The following ZNF804B variants were observed in gnomAD, a reference collection of about 807,000 sequenced individuals.
ZNF804B encodes the protein zinc finger protein 804B.
Under a neutral mutation model 101.4 loss-of-function variants are expected in ZNF804B, and 80 were observed. The observed-to-expected ratio is 0.79, with a 90% confidence interval of 0.66 to 0.95. ZNF804B has a LOEUF of 0.95. ZNF804B is among the 40% of genes least tolerant of loss of function. The pLI is 0.00. For missense variants in ZNF804B, 1,673 were observed against 1,561.9 expected (o/e 1.07, Z -1.20); for synonymous variants, 622 against 558.8 (o/e 1.11, Z -1.59).
At chr7:88,942,756 T>C (rs1793074547) in intron 1 of ZNF804B, among the ~76,000 whole-genome samples, 1 of 151,840 alleles carries the variant, frequency 6.6e-6, no homozygotes, top group Non-Finnish European at 1.5e-5. Context: ...GGACCTTATA[T>C]ATTATGTGTG....
chr7:89,047,253 G>C (rs1789124250), intron 1 of ZNF804B, among the ~76,000 whole-genome samples: 1 of 152,124 alleles, frequency 6.6e-6, no homozygotes, highest in Admixed American at 6.6e-5. Context: ...ATATTTACTA[G>C]TTGTGTGATT....
At chr7:89,088,409 T>C (rs181941517) in intron 1 of ZNF804B, among the ~76,000 whole-genome samples, 77 of 152,114 alleles carry the variant, frequency 5.1e-4, no homozygotes, top group African/African-American at 1.7e-3. Flanking sequence ...TTGAAATCTA[T>C]AACAAGTTAT....
At chr7:89,181,170 A>G (rs1270584365) in intron 1 of ZNF804B, among the ~76,000 whole-genome samples, 1 of 151,890 alleles carries the variant, frequency 6.6e-6, no homozygotes, top group East Asian at 2.0e-4. Flanking sequence ...GGATGGGGTA[A>G]CATAAGCACT....
chr7:88,820,668 T>C (rs1449793367), intron 1 of ZNF804B, among the ~76,000 whole-genome samples: 1 of 152,184 alleles, frequency 6.6e-6, no homozygotes, highest in Non-Finnish European at 1.5e-5. Flanking sequence ...GGAAACTCTC[T>C]AGCTGTCTTC....
intron 1 of ZNF804B, among the ~76,000 whole-genome samples, chr7:88,873,407 C>A (rs1037802470): frequency 3.4e-4 from 52 of 152,092 alleles, no homozygotes; most frequent in Non-Finnish European, 2.4e-4. Context: ...AATGTTCTCC[C>A]ATTCTGTAGG....
At chr7:89,152,439 AAATTC>A (rs1162061284) in intron 1 of ZNF804B, among the ~76,000 whole-genome samples, 3 of 152,042 alleles carry the variant, frequency 2.0e-5, no homozygotes, top group East Asian at 3.9e-4. Flanking sequence ...TTTTTCTATT[AAATTC>A]AATTAAAATT....
At chr7:89,302,046 T>G (rs17617013) in intron 2 of ZNF804B, among the ~76,000 whole-genome samples, 38,922 of 151,676 alleles carry the variant, frequency 0.26, 5,107 homozygotes, top group Admixed American at 0.29. Flanking sequence ...ATGTTATATA[T>G]TCCCATTGCT....
chr7:88,917,652 A>AT (rs1394274961), intron 1 of ZNF804B, among the ~76,000 whole-genome samples: 6 of 152,276 alleles, frequency 3.9e-5, no homozygotes, highest in Admixed American at 3.9e-4. Flanking sequence ...ATTATAAGAC[A>AT]TTTTTCTGGG....
intron 1 of ZNF804B, among the ~76,000 whole-genome samples, chr7:89,084,214 G>A (rs1478390768): frequency 6.6e-6 from 1 of 151,896 alleles, no homozygotes; most frequent in Non-Finnish European, 1.5e-5. Context: ...GATTTGCACA[G>A]CCAGTGAGAA....
chr7:89,005,984 A>G (rs1788364704), intron 1 of ZNF804B, among the ~76,000 whole-genome samples: 1 of 152,160 alleles, frequency 6.6e-6, no homozygotes, highest in Admixed American at 6.6e-5. Flanking sequence ...AAAGGTGTGG[A>G]TATCTATGAA....
At chr7:88,772,222 C>T (rs1308806151) in intron 1 of ZNF804B, among the ~76,000 whole-genome samples, 1 of 152,038 alleles carries the variant, frequency 6.6e-6, no homozygotes, top group Non-Finnish European at 1.5e-5. Flanking sequence ...CCTTGGTGAC[C>T]ACCACTGATG....
intron 1 of ZNF804B, among the ~76,000 whole-genome samples, chr7:88,771,588 A>C (rs1393883842): frequency 6.6e-6 from 1 of 152,026 alleles, no homozygotes; most frequent in Admixed American, 6.6e-5. Flanking sequence ...CTGTTGCTTC[A>C]CTTTTCTGTT....
At chr7:89,298,621 A>G (rs954174672) in intron 2 of ZNF804B, among the ~76,000 whole-genome samples, 2 of 151,890 alleles carry the variant, frequency 1.3e-5, no homozygotes, top group African/African-American at 4.8e-5. Flanking sequence ...TTAATTATCT[A>G]TATATGGCAA....
In ZNF804B at chr7:89,220,380, T is replaced by A. The variant is rs539051685; in HGVS notation, c.249+2085T>A. On this transcript the variant is annotated intron_variant, in intron 2 of 3. Coordinates refer to ENST00000333190, the MANE Select transcript of ZNF804B (RefSeq NM_181646.5). ...ATGTTAATTGTTCAGATTCACAGAA[T>A]CTTCCTCAGATATTCTAGTTCAATA... Among the ~76,000 whole-genome samples, 4 of 151,834 alleles carry A rather than the reference T, an allele frequency of 2.6e-5. No individual in the cohort carries two copies. In the South Asian group the frequency reaches 6.2e-4, roughly 24 times the overall value.
At chr7:89,001,620 C>T (rs1788289924) in intron 1 of ZNF804B, among the ~76,000 whole-genome samples, 1 of 151,722 alleles carries the variant, frequency 6.6e-6, no homozygotes, top group South Asian at 2.1e-4. Flanking sequence ...TCTTCTGAAA[C>T]CAAATTATGG....
At chr7:89,295,312 T>G (rs1158507998) in intron 2 of ZNF804B, among the ~76,000 whole-genome samples, 2 of 152,160 alleles carry the variant, frequency 1.3e-5, no homozygotes, top group Non-Finnish European at 2.9e-5. Context: ...CAAGATGCTA[T>G]GTAGTACAGT....
intron 1 of ZNF804B, among the ~76,000 whole-genome samples, chr7:89,058,540 A>AT (rs1789330458): frequency 6.6e-6 from 1 of 152,092 alleles, no homozygotes; most frequent in Non-Finnish European, 1.5e-5. Flanking sequence ...AGAAACAAGC[A>AT]TTTTTTAAGG....
rs374473196 is a variant in ZNF804B at position 89,176,383 on chromosome 7, T to A, written c.109-41772T>A. ...GATTGTGTTTTTCATTCTGTTGATA[T>A]GATGTAGCACATTGACTGACTTGCA... is the stretch of plus-strand genomic sequence containing the variant. On this transcript the variant is annotated intron_variant, in intron 1 of 3. Coordinates refer to ENST00000333190, the MANE Select transcript of ZNF804B (RefSeq NM_181646.5). Among the ~76,000 whole-genome samples the A allele has an allele frequency of 1.1e-4, 17 of 152,140 alleles. No homozygotes were observed. The East Asian group carries it at 2.9e-3, about 26-fold the overall frequency.
At chr7:89,025,988 A>T (rs181159591) in intron 1 of ZNF804B, among the ~76,000 whole-genome samples, 1 of 152,156 alleles carries the variant, frequency 6.6e-6, no homozygotes, top group African/African-American at 2.4e-5. Flanking sequence ...ACTGGCCCCT[A>T]TCTACCCCTT....
Sources: gnomAD v4.1 joint callset for allele counts (sites outside exome capture counted in the v4.1 genomes callset) on GRCh38, gnomAD v4.1.1 for gene constraint, MANE v1.5 for transcripts, NCBI Gene and HGNC (gene_info 2026-07-23, HGNC 2026-07-21) for gene names.